GPC5: variants seen among roughly 807,000 people sequenced by gnomAD.
GPC5 encodes glypican 5.
In GPC5, 47 loss-of-function variants were observed where a neutral mutation model predicts 53.9. The observed-to-expected ratio is 0.87, with a 90% CI of 0.69 to 1.11. GPC5 has a LOEUF of 1.11. GPC5 is among the 50% of genes most tolerant of loss of function. The pLI, the probability that GPC5 is intolerant of heterozygous loss-of-function variation, is 0.00. For missense variants in GPC5, 748 were observed against 713.1 expected (o/e 1.05, Z -0.56); for synonymous variants, 286 against 263.3 (o/e 1.09, Z -0.84).
chr13:91,849,896 C>T (rs546519076), intron 5 of GPC5, among the ~76,000 whole-genome samples: 2 of 100,800 alleles, frequency 2.0e-5, no homozygotes, highest in South Asian at 5.5e-4. Flanking sequence ...AGAAATAATT[C>T]ATACCTTCAG....
chr13:91,477,646 A>T (rs1481898302), intron 2 of GPC5, among the ~76,000 whole-genome samples: 1 of 152,176 alleles, frequency 6.6e-6, no homozygotes, highest in Non-Finnish European at 1.5e-5. Flanking sequence ...TGTTGGGAAA[A>T]GGGCTGCAGA....
intron 5 of GPC5, among the ~76,000 whole-genome samples, chr13:91,819,361 A>G (rs1004920351): frequency 6.6e-6 from 1 of 151,682 alleles, no homozygotes; most frequent in Non-Finnish European, 1.5e-5. Flanking sequence ...GGGTTTCACC[A>G]TGTTGACCAG....
At chr13:92,628,736 G>A (rs1220889844) in intron 7 of GPC5, among the ~76,000 whole-genome samples, 3 of 152,090 alleles carry the variant, frequency 2.0e-5, no homozygotes, top group Non-Finnish European at 2.9e-5. Context: ...TCAAACCCCT[G>A]ACTCCTTCTC....
intron 1 of GPC5, among the ~76,000 whole-genome samples, chr13:91,404,536 C>T (rs1213612235): frequency 6.6e-6 from 1 of 152,210 alleles, no homozygotes; most frequent in Non-Finnish European, 1.5e-5. Context: ...ATTGTGCTCT[C>T]AATTCTTGAA....
intron 7 of GPC5, among the ~76,000 whole-genome samples, chr13:92,715,021 C>T (rs931115433): frequency 6.6e-6 from 1 of 152,078 alleles, no homozygotes; most frequent in African/African-American, 2.4e-5. Context: ...GCCAAGATCA[C>T]GCCACTGCAC....
Position 91,737,911 on chromosome 13 carries a change from C to T in GPC5, c.1154+9246C>T, listed in dbSNP as rs144062239. Among the ~76,000 whole-genome samples the T allele has an allele frequency of 7.5e-3, 1,134 of 151,228 alleles. 53 individuals are homozygous for T. Among genetic ancestry groups the T allele is most frequent in the African/African-American group, 0.019 (772 of 40,656 alleles). On this transcript the variant is annotated intron_variant, in intron 4 of 7. Coordinates refer to ENST00000377067, the MANE Select transcript of GPC5 (RefSeq NM_004466.6). ...AATATAAGGCAGATTAATAGAAAAA[C>T]GATTTTAATTACATATATAGGAATG...
chr13:92,584,206 C>T (rs9589586), intron 7 of GPC5, among the ~76,000 whole-genome samples: 1 of 151,988 alleles, frequency 6.6e-6, no homozygotes, highest in Non-Finnish European at 1.5e-5. Flanking sequence ...CAGAAGAAGA[C>T]AGGAAAATGT....
At chr13:92,069,234 A>G (rs1222969300) in intron 6 of GPC5, among the ~76,000 whole-genome samples, 1 of 152,110 alleles carries the variant, frequency 6.6e-6, no homozygotes, top group Non-Finnish European at 1.5e-5. Context: ...GTCTATCTCT[A>G]TGCTAAAACA....
chr13:92,125,953 T>G (rs1196716893), intron 6 of GPC5, among the ~76,000 whole-genome samples: 955 of 54,406 alleles, frequency 0.018, 37 homozygotes, highest in Non-Finnish European at 0.028. Context: ...TTTTTTTTTT[T>G]TTTTTTTTTT....
At chr13:92,038,059 CTAAG>C (rs1201518092) in intron 6 of GPC5, among the ~76,000 whole-genome samples, 2 of 152,038 alleles carry the variant, frequency 1.3e-5, no homozygotes, top group Non-Finnish European at 2.9e-5. Context: ...GGCAGTGGCA[CTAAG>C]TGTTAGCAGC....
chr13:92,853,982 T>C (rs932961808), intron 7 of GPC5, among the ~76,000 whole-genome samples: 10 of 148,270 alleles, frequency 6.7e-5, no homozygotes, highest in African/African-American at 2.2e-4. Flanking sequence ...TTTAAGACCA[T>C]AGATGATAGT....
At chr13:92,004,547 A>G (rs921611261) in intron 6 of GPC5, among the ~76,000 whole-genome samples, 3 of 148,086 alleles carry the variant, frequency 2.0e-5, no homozygotes, top group Non-Finnish European at 4.5e-5. Flanking sequence ...ATATGACTCT[A>G]TTCATGCAAT....
intron 7 of GPC5, among the ~76,000 whole-genome samples, chr13:92,736,704 A>G (rs868546995): frequency 6.6e-6 from 1 of 151,726 alleles, no homozygotes; most frequent in South Asian, 2.1e-4. Flanking sequence ...ATTTATCTCT[A>G]TGAATGTTTC....
At chr13:92,725,616 C>T (rs1203955929) in intron 7 of GPC5, among the ~76,000 whole-genome samples, 1 of 151,046 alleles carries the variant, frequency 6.6e-6, no homozygotes, top group Non-Finnish European at 1.5e-5. Flanking sequence ...GTTAATAATC[C>T]AAAATGCAAC....
chr13:91,481,154 C>G (rs1883279096), intron 2 of GPC5, among the ~76,000 whole-genome samples: 1 of 152,108 alleles, frequency 6.6e-6, no homozygotes, highest in Admixed American at 6.5e-5. Context: ...TTTGTTTTTT[C>G]TGCAGAGAAT....
intron 7 of GPC5, chr13:92,721,683 A>C (rs1308840943): frequency 6.6e-6 from 1 of 152,064 alleles, no homozygotes; most frequent in Non-Finnish European, 1.5e-5. Flanking sequence ...TTAGGAACAA[A>C]AGGGGTGTGT....
At chr13:92,305,435 A>G (rs1029940287) in intron 7 of GPC5, among the ~76,000 whole-genome samples, 2 of 152,174 alleles carry the variant, frequency 1.3e-5, no homozygotes, top group African/African-American at 4.8e-5. Flanking sequence ...AAAACAAAAT[A>G]TCTGTACCCC....
At chr13:92,511,476 C>T (rs1266899062) in intron 7 of GPC5, among the ~76,000 whole-genome samples, 1 of 152,150 alleles carries the variant, frequency 6.6e-6, no homozygotes, top group Non-Finnish European at 1.5e-5. Context: ...ATCTGGGGAT[C>T]TCCTTTGCTA....
At chr13:91,760,606 A>G (rs960908536) in intron 5 of GPC5, among the ~76,000 whole-genome samples, 1 of 152,182 alleles carries the variant, frequency 6.6e-6, no homozygotes, top group African/African-American at 2.4e-5. Context: ...CTTCATTATA[A>G]GAGTGAAGCA....
Sources: allele counts gnomAD v4.1 joint callset (sites outside exome capture counted in the v4.1 genomes callset), GRCh38; gene constraint gnomAD v4.1.1; transcripts MANE v1.5; gene names NCBI Gene and HGNC (gene_info 2026-07-23, HGNC 2026-07-21).